Variants in BSG observed in about 807,000 individuals in gnomAD.
The protein encoded by BSG is basigin.
A neutral mutation model predicts 43.1 loss-of-function variants in BSG; 37 were observed. The ratio of observed to expected loss-of-function variants is 0.86; its 90% CI spans 0.66 to 1.13. BSG has a LOEUF of 1.13. Among genes scored for constraint, BSG ranks in the 50% most tolerant of loss-of-function variants. The pLI, the probability that BSG is intolerant of heterozygous loss-of-function variation, is 0.00. For missense variants in BSG, 599 were observed against 554.2 expected, an observed-to-expected ratio of 1.08 and a Z score of -0.81; for synonymous variants, 309 against 238.7, an observed-to-expected ratio of 1.29 and a Z score of -2.72.
At chr19:577,422 G>A (rs1218031715) in intron 1 of BSG, among the ~76,000 whole-genome samples, 21 of 152,310 alleles carry the variant, frequency 1.4e-4, no homozygotes, top group African/African-American at 4.8e-4. Flanking sequence ...GTATCGGGCA[G>A]AAGTCAGAGG....
upstream of BSG, chr19:572,180 C>G (rs1981295948): frequency 6.1e-6 from 1 of 163,806 alleles, no homozygotes; most frequent in African/African-American, 2.4e-5. Flanking sequence ...CTCAAGCGAT[C>G]TTCCCGCCTC....
rs145196054 is a variant in BSG at position 579,528 on chromosome 19, C to G, written c.444C>G (p.Asp148Glu). 2.7e-5 allele frequency: 43 copies of G among 1,612,596 alleles called. No homozygotes were observed. The highest frequency in any genetic ancestry group is 3.6e-5 in the Non-Finnish European group (43 of 1,179,934). The change falls in exon 3 of 9, where the codon GAC becomes GAG. Residue 148 changes from aspartate (D) to glutamate (E), a missense_variant. Transcript: ENST00000333511. ...EPGTVFTTVE[D>E]LGSKILLTCS... ...GCACAGTCTTCACTACCGTAGAAGA[C>G]CTTGGCTCCAAGATACTCCTCACCT...
intron 1 of BSG, among the ~76,000 whole-genome samples, chr19:573,424 C>T (rs1016948020): frequency 2.6e-5 from 4 of 152,224 alleles, no homozygotes; most frequent in Admixed American, 6.5e-5. Context: ...TCCAAGAGCA[C>T]ATGGAGGCTC....
At chr19:577,684 C>G in intron 1 of BSG, 90 bp from the exon 2 acceptor site, 1 of 1,125,114 alleles carries the variant, frequency 8.9e-7, no homozygotes. Context: ...CCAGCCCTGG[C>G]TGGGAGTCCT....
intron 1 of BSG, among the ~76,000 whole-genome samples, chr19:574,885 A>G (rs780040456): frequency 1.2e-4 from 18 of 152,200 alleles, no homozygotes; most frequent in Admixed American, 3.9e-4. Flanking sequence ...TGAGCGCGGA[A>G]GATAAGCCGC....
At chr19:573,881 G>A (rs1981516992) in intron 1 of BSG, among the ~76,000 whole-genome samples, 2 of 152,172 alleles carry the variant, frequency 1.3e-5, no homozygotes, top group African/African-American at 4.8e-5. Context: ...GTGTTTTTCC[G>A]GGAGAAAAGC....
intron 2 of BSG, 63 bp downstream of exon 2, chr19:578,184 G>A (rs925368953): frequency 1.9e-5 from 27 of 1,423,678 alleles, no homozygotes; most frequent in South Asian, 2.8e-5. Flanking sequence ...CTCGCCTCCC[G>A]GCTCCTGCTC....
rs779846530 is a variant in BSG, at chr19:577,838, C to T, written c.132C>T (p.Cys44=). The change falls in exon 2 of 9, where the codon TGC becomes TGT. Residue 44 remains cysteine, a synonymous_variant. Transcript: ENST00000333511. ...RWVGGSVELH[C]EAVGSPVPEI... ...TGGGGGGCAGTGTGGAGCTGCACTG[C>T]GAGGCCGTGGGCAGCCCGGTGCCCG... The T allele has an allele frequency of 7.3e-6, 11 of 1,513,160 alleles. No homozygotes were observed. Among genetic ancestry groups the T allele is most frequent in the East Asian group, 4.8e-5 (2 of 41,446 alleles). 93.7% of individuals were successfully genotyped at this position (1,513,160 alleles called of 1,614,324 possible).
At chr19:581,228 ACT>A in intron 5 of BSG, 85 bp from the exon 6 acceptor site, 1 of 1,308,844 alleles carries the variant, frequency 7.6e-7, no homozygotes, top group Non-Finnish European at 9.7e-7. Flanking sequence ...AGGGGCCTAG[ACT>A]GGGGGTCCCG....
chr19:572,590 G>T, upstream of BSG: 3 of 1,447,930 alleles, frequency 2.1e-6, no homozygotes, highest in Non-Finnish European at 2.7e-6. Flanking sequence ...CGCGGGCGGC[G>T]GCGGCAGCGG....
chr19:578,281 G>A (rs1292476891), intron 2 of BSG, 160 bp downstream of exon 2: 6 of 731,678 alleles, frequency 8.2e-6, no homozygotes, highest in Admixed American at 7.3e-5. Context: ...GACCTGAAGG[G>A]GGTGGGCTCG....
At chr19:574,551 T>TAA in intron 1 of BSG, among the ~76,000 whole-genome samples, 1 of 135,346 alleles carries the variant, frequency 7.4e-6, no homozygotes. Context: ...AGACCCCGTC[T>TAA]CAAAAAAAAA....
rs1300503629 is a variant in BSG at position 577,861 on chromosome 19, C to T, written c.155C>T (p.Pro52Leu). Residue 52 changes from proline to leucine, a missense_variant, in exon 2 of 9, where the codon CCC (proline) becomes CTC (leucine). Physicochemically the swap from Pro to Leu is moderately conservative, Grantham distance 98. Transcript: ENST00000333511. ...TGCGAGGCCGTGGGCAGCCCGGTGC[C>T]CGAGATCCAGTGGTGGTTTGAAGGG... is the stretch of plus-strand genomic sequence containing the variant. ...LHCEAVGSPV[P>L]EIQWWFEGQG... The T allele has an allele frequency of 1.9e-6, 3 of 1,553,500 alleles. No individual in the cohort carries two copies. The highest frequency in any genetic ancestry group is 2.6e-6 in the Non-Finnish European group (3 of 1,143,634).
In BSG at chr19:581,598, C is replaced by T. The variant is rs200853058; in HGVS notation, c.1069+7C>T. 1.1e-5 allele frequency: 17 copies of T among 1,579,932 alleles called. No homozygotes were observed. The East Asian group carries it at 1.2e-4, about 11-fold the overall frequency. On this transcript the variant is annotated splice_region_variant and intron_variant, in intron 6 of 8. Transcript: ENST00000333511. ...CCCGAGGACGTCCTGGATGGTGAGC[C>T]GTCTGCCCTCCTGCCCACATGCCCT...
intron 1 of BSG, among the ~76,000 whole-genome samples, chr19:576,078 A>C (rs1348232714): frequency 6.6e-6 from 1 of 152,214 alleles, no homozygotes. Context: ...TGGCGGACCC[A>C]GCGGGAGCAC....
chr19:573,286 G>C (rs1230745934), intron 1 of BSG, among the ~76,000 whole-genome samples: 1 of 152,134 alleles, frequency 6.6e-6, no homozygotes, highest in Non-Finnish European at 1.5e-5. Flanking sequence ...ATCTGGAGAC[G>C]GGTCCACCCT....
intron 1 of BSG, among the ~76,000 whole-genome samples, chr19:574,106 T>C (rs1419814841): frequency 1.3e-5 from 2 of 150,822 alleles, no homozygotes; most frequent in African/African-American, 4.9e-5. Flanking sequence ...AATACAAAAA[T>C]TAGCTGGGCG....
upstream of BSG, chr19:572,466 G>C: frequency 8.6e-7 from 1 of 1,164,168 alleles, no homozygotes; most frequent in Middle Eastern, 3.4e-4. Flanking sequence ...ACATGCGAGC[G>C]TGTGCGCGCG....
Position 577,838 on chromosome 19 carries a change from C to A in BSG, c.132C>A (p.Cys44Ter), listed in dbSNP as rs779846530. 2.0e-6 allele frequency: 3 copies of A among 1,513,042 alleles called. No homozygotes were observed. The highest frequency in any genetic ancestry group is 1.4e-5 in the African/African-American group (1 of 73,052). The allele number at this position is 1,513,042 out of a possible 1,614,324, so 93.7% of individuals were successfully genotyped here. A position where few individuals can be genotyped will look rare whatever the true frequency, so the allele number is the denominator to read the frequency against. ...TGGGGGGCAGTGTGGAGCTGCACTG[C>A]GAGGCCGTGGGCAGCCCGGTGCCCG... Reference protein sequence around the residue: ...RWVGGSVELHCEAVGSPVPEI... With the variant: ...RWVGGSVELH The change falls in exon 2 of 9, where the codon TGC (cysteine) becomes TGA (stop). Residue 44 changes from cysteine to a stop codon, truncating the protein, a stop_gained. Coordinates refer to ENST00000333511, the MANE Select transcript of BSG (RefSeq NM_001728.4). LOFTEE classifies it high-confidence loss of function.
Sources: allele counts gnomAD v4.1 joint callset (sites outside exome capture counted in the v4.1 genomes callset), GRCh38; gene constraint gnomAD v4.1.1; transcripts MANE v1.5; gene names NCBI Gene and HGNC (gene_info 2026-07-23, HGNC 2026-07-21).